The following GALNT18 variants were observed in gnomAD, a reference collection of about 807,000 sequenced individuals.
GALNT18 encodes polypeptide N-acetylgalactosaminyltransferase 18.
GALNT18 carries 44 observed loss-of-function variants against 69.5 expected under a neutral mutation model. The ratio of observed to expected loss-of-function variants is 0.63; its 90% CI spans 0.50 to 0.81. The LOEUF is 0.81. Ranked by LOEUF, GALNT18 falls within the 40% of genes least tolerant of loss-of-function variation. The probability of loss-of-function intolerance (pLI) is 0.00; values close to 1 mark genes in which losing one functional copy is unlikely to be tolerated. For synonymous variants in GALNT18, 364 were observed against 318.2 expected (o/e 1.14, Z -1.53); for missense variants, 715 against 810.0 (o/e 0.88, Z 1.42).
chr11:11,433,498 C>A (rs1315097170), intron 2 of GALNT18, among the ~76,000 whole-genome samples: 1 of 152,236 alleles, frequency 6.6e-6, no homozygotes, highest in African/African-American at 2.4e-5. Flanking sequence ...TCCTCTGACA[C>A]CTGCACCAGG....
At chr11:11,475,458 C>A (rs1200522204) in intron 1 of GALNT18, 1 of 152,204 alleles carries the variant, frequency 6.6e-6, no homozygotes, top group South Asian at 2.1e-4. Flanking sequence ...AAGAGCATGG[C>A]TCCTGACATC....
intron 6 of GALNT18, among the ~76,000 whole-genome samples, chr11:11,364,558 G>T (rs887190546): frequency 1.4e-5 from 2 of 140,242 alleles, no homozygotes; most frequent in Non-Finnish European, 3.3e-5. Flanking sequence ...CAAGAGGGGG[G>T]GAAAAAGAGA....
chr11:11,361,198 G>A (rs761592771), intron 6 of GALNT18, among the ~76,000 whole-genome samples: 1 of 152,214 alleles, frequency 6.6e-6, no homozygotes, highest in Admixed American at 6.5e-5. Flanking sequence ...TGGAAGTGAT[G>A]AGAAATTTTG....
intron 3 of GALNT18, among the ~76,000 whole-genome samples, chr11:11,391,378 G>T (rs749257873): frequency 2.0e-5 from 3 of 152,216 alleles, no homozygotes; most frequent in Non-Finnish European, 4.4e-5. Flanking sequence ...CTGAGGCATG[G>T]TTAAATAATT....
In GALNT18 at chr11:11,587,943, C is replaced by T. The variant is rs889286571; in HGVS notation, c.235+33416G>A. Among the ~76,000 whole-genome samples, 2 of 152,126 alleles carry T rather than the reference C, an allele frequency of 1.3e-5. No homozygotes were observed. Among genetic ancestry groups the T allele is most frequent in the South Asian group, 2.1e-4 (1 of 4,824 alleles). On this transcript the variant is annotated intron_variant, in intron 1 of 10. Transcript: ENST00000227756. This position sits in a 1 kb window ranked among gnomAD's most constrained non-coding sequence, Gnocchi z 4.4. Reference sequence around the variant, plus strand: ...ATTCACTAAGAGTGGCATGTCTCTACCAATAAATTACAAAATAGGCATGCT... The same window carrying T: ...ATTCACTAAGAGTGGCATGTCTCTATCAATAAATTACAAAATAGGCATGCT...
chr11:11,361,055 A>C (rs1850633914), intron 6 of GALNT18, among the ~76,000 whole-genome samples: 1 of 152,200 alleles, frequency 6.6e-6, no homozygotes, highest in Non-Finnish European at 1.5e-5. Context: ...TACTCAGAAC[A>C]TGGTAAGGTG....
At chr11:11,447,330 A>G (rs1441364273) in intron 2 of GALNT18, among the ~76,000 whole-genome samples, 14 of 150,872 alleles carry the variant, frequency 9.3e-5, no homozygotes, top group Non-Finnish European at 1.5e-5. Flanking sequence ...GCAGCTCCCC[A>G]CTCTTGTCCC....
At chr11:11,296,710 C>T (rs964712321) in intron 9 of GALNT18, among the ~76,000 whole-genome samples, 1 of 152,184 alleles carries the variant, frequency 6.6e-6, no homozygotes, top group Non-Finnish European at 1.5e-5. Flanking sequence ...CAGCTGTCAT[C>T]AGAGCTGTTT....
At chr11:11,406,790 G>A (rs1854596630) in intron 3 of GALNT18, among the ~76,000 whole-genome samples, 1 of 152,252 alleles carries the variant, frequency 6.6e-6, no homozygotes, top group Non-Finnish European at 1.5e-5. Flanking sequence ...GAAAGGACAT[G>A]GGAATTATCA....
intron 2 of GALNT18, among the ~76,000 whole-genome samples, chr11:11,443,871 AT>A (rs1855586691): frequency 6.6e-6 from 1 of 152,168 alleles, no homozygotes; most frequent in African/African-American, 2.4e-5. Flanking sequence ...GATGAATGGC[AT>A]TTTGATTTCC....
At chr11:11,349,905 G>C (rs774948860) in intron 6 of GALNT18, among the ~76,000 whole-genome samples, 1 of 152,110 alleles carries the variant, frequency 6.6e-6, no homozygotes, top group East Asian at 1.9e-4. Context: ...CAACACTTCC[G>C]AAGAGTCCTC....
intron 1 of GALNT18, among the ~76,000 whole-genome samples, chr11:11,552,471 C>T (rs559053366): frequency 6.6e-6 from 1 of 152,232 alleles, no homozygotes; most frequent in Non-Finnish European, 1.5e-5. Context: ...TGGGGGACAA[C>T]AGTTGTGACA....
Position 11,372,716 on chromosome 11 carries a change from G to T in GALNT18, c.978-87C>A. 1 of 1,026,158 alleles carries T rather than the reference G, an allele frequency of 9.7e-7. No homozygotes were observed. Among genetic ancestry groups the T allele is most frequent in the Non-Finnish European group, 1.5e-6 (1 of 672,886 alleles). The allele number at this position is 1,026,158 out of a possible 1,614,324, so 63.6% of individuals were successfully genotyped here. A position where few individuals can be genotyped will look rare whatever the true frequency, so the allele number is the denominator to read the frequency against. ...TAAGGCCTTCCTATCAGGAGGGTCT[G>T]GTTCTCTTCCTTCCTTTGCTGCCAG... is the stretch of plus-strand genomic sequence containing the variant. On this transcript the variant is annotated intron_variant, in intron 5 of 10. Coordinates refer to ENST00000227756, the MANE Select transcript of GALNT18 (RefSeq NM_198516.3). This position sits in a 1 kb window ranked among gnomAD's most constrained non-coding sequence, Gnocchi z 4.9.
In GALNT18 at chr11:11,282,617, G is replaced by A. The variant is rs142106438; in HGVS notation, c.1677+10412C>T. On this transcript the variant is annotated intron_variant, in intron 10 of 10. Transcript: ENST00000227756. ...AGCCCCAGCCCTTGCCTATCACAGTGGTGGTGAACTAGACTGAGGGAGCTG... is the reference window on the plus strand; with the variant it reads ...AGCCCCAGCCCTTGCCTATCACAGTAGTGGTGAACTAGACTGAGGGAGCTG... 3.7e-3 allele frequency among the ~76,000 whole-genome samples: 559 copies of A among 152,234 alleles called. 9 individuals are homozygous for A. Among genetic ancestry groups the A allele is most frequent in the Middle Eastern group, 0.01 (3 of 294 alleles).
intron 10 of GALNT18, among the ~76,000 whole-genome samples, chr11:11,275,401 T>C (rs1182582664): frequency 1.3e-5 from 2 of 152,158 alleles, no homozygotes; most frequent in Non-Finnish European, 2.9e-5. Context: ...TTGTTTCTTG[T>C]AAATTTGTTT....
chr11:11,354,860 G>T (rs905035047), intron 6 of GALNT18, among the ~76,000 whole-genome samples: 10 of 152,156 alleles, frequency 6.6e-5, no homozygotes, highest in African/African-American at 2.4e-4. Flanking sequence ...CCCTTAGTCT[G>T]CCCCTCATCC....
chr11:11,270,997 T>C lies in GALNT18; in HGVS notation c.*147A>G, dbSNP rs931332879. On this transcript the variant is annotated 3_prime_UTR_variant, in exon 11 of 11. Coordinates refer to ENST00000227756, the MANE Select transcript of GALNT18 (RefSeq NM_198516.3). ...AATCAGCATCTTTCTATAAACTCCA[T>C]GAAAATTGAATAGGAAATAAAAAGC... 2 of 624,048 alleles carry C rather than the reference T, an allele frequency of 3.2e-6. No homozygotes were observed. Among genetic ancestry groups the C allele is most frequent in the East Asian group, 5.5e-5 (2 of 36,158 alleles). 38.7% of individuals were successfully genotyped at this position (624,048 alleles called of 1,614,324 possible). A position where few individuals can be genotyped will look rare whatever the true frequency, so the allele number is the denominator to read the frequency against.
At chr11:11,345,116 G>T (rs955682222) in intron 6 of GALNT18, among the ~76,000 whole-genome samples, 6 of 152,144 alleles carry the variant, frequency 3.9e-5, no homozygotes, top group African/African-American at 1.4e-4. Flanking sequence ...GGTACACAAC[G>T]CTCCCTTCTC....
chr11:11,414,235 A>G (rs1854800307), intron 3 of GALNT18, among the ~76,000 whole-genome samples: 1 of 152,208 alleles, frequency 6.6e-6, no homozygotes, highest in Admixed American at 6.5e-5. Flanking sequence ...TTCATTACAC[A>G]GTAGCCAGAG....
Sources: gnomAD v4.1 joint callset for allele counts (sites outside exome capture counted in the v4.1 genomes callset) on GRCh38, gnomAD v4.1.1 for gene constraint, Gnocchi (gnomAD v3.1) non-coding constraint, MANE v1.5 for transcripts, NCBI Gene and HGNC (gene_info 2026-07-23, HGNC 2026-07-21) for gene names.